Variants in MAP2K6 observed in about 807,000 individuals in gnomAD.
MAP2K6 encodes the protein dual specificity mitogen-activated protein kinase kinase 6.
MAP2K6 carries 16 observed loss-of-function variants against 53.7 expected under a neutral mutation model. The observed-to-expected ratio is 0.30, with a 90% CI of 0.20 to 0.45. The LOEUF (loss-of-function observed/expected upper bound fraction) is 0.45, where lower values mean the gene tolerates loss of function less well. MAP2K6 is among the 20% of genes least tolerant of loss of function. The probability of loss-of-function intolerance (pLI) is 1.00; values close to 1 mark genes in which losing one functional copy is unlikely to be tolerated. For synonymous variants in MAP2K6, 132 were observed against 143.1 expected, an observed-to-expected ratio of 0.92 and a Z score of 0.55; for missense variants, 204 against 411.9, an observed-to-expected ratio of 0.50 and a Z score of 4.37.
At position 69,416,859 on chromosome 17, in the gene MAP2K6, T is replaced by G. The variant is rs74798376; in HGVS notation, c.16+1859T>G. Among the ~76,000 whole-genome samples, 783 of 152,316 alleles carry G rather than the reference T, an allele frequency of 5.1e-3. 5 individuals carry two copies. The highest frequency in any genetic ancestry group is 8.6e-3 in the Non-Finnish European group (583 of 68,010). Reference sequence around the variant, plus strand: ...TTACTGTGATCTTATCTTTGGACTTTAGGGTCTAAACTAAATCAGGCTCCT... The same window carrying G: ...TTACTGTGATCTTATCTTTGGACTTGAGGGTCTAAACTAAATCAGGCTCCT... On this transcript the variant is annotated intron_variant, in intron 1 of 11. Coordinates refer to ENST00000590474, the MANE Select transcript of MAP2K6 (RefSeq NM_002758.4).
At chr17:69,523,996 G>C (rs1355469755) in intron 8 of MAP2K6, among the ~76,000 whole-genome samples, 1 of 152,080 alleles carries the variant, frequency 6.6e-6, no homozygotes, top group Non-Finnish European at 1.5e-5. Context: ...GCACCTTCCT[G>C]CTTAGTCCTC....
chr17:69,535,141 A>G (rs1026881797), intron 10 of MAP2K6, among the ~76,000 whole-genome samples: 1 of 152,182 alleles, frequency 6.6e-6, no homozygotes, highest in Non-Finnish European at 1.5e-5. Context: ...GTCTGTGTCA[A>G]TGGAGAGCAG....
At chr17:69,480,080 A>T (rs1908295312) in intron 1 of MAP2K6, among the ~76,000 whole-genome samples, 2 of 151,956 alleles carry the variant, frequency 1.3e-5, no homozygotes, top group Non-Finnish European at 1.5e-5. Context: ...CCCAGGTTGA[A>T]TTTTTTTTAT....
intron 2 of MAP2K6, among the ~76,000 whole-genome samples, chr17:69,509,816 A>G (rs1324932103): frequency 2.6e-5 from 4 of 151,946 alleles, no homozygotes; most frequent in Non-Finnish European, 5.9e-5. Context: ...AAAACCTCTC[A>G]GTATACTGAG....
chr17:69,498,111 G>T (rs1909013451), intron 1 of MAP2K6, among the ~76,000 whole-genome samples: 1 of 151,988 alleles, frequency 6.6e-6, no homozygotes, highest in Admixed American at 6.6e-5. Flanking sequence ...CCCTTGCAAT[G>T]TGTACCCTGG....
chr17:69,500,751 A>G (rs1207610337), intron 1 of MAP2K6, among the ~76,000 whole-genome samples: 1 of 132,772 alleles, frequency 7.5e-6, no homozygotes, highest in African/African-American at 2.7e-5. Flanking sequence ...GCAAGATTCC[A>G]TCTCAAAAAA....
At chr17:69,436,788 TCTC>T (rs773914951) in intron 1 of MAP2K6, among the ~76,000 whole-genome samples, 2 of 151,986 alleles carry the variant, frequency 1.3e-5, no homozygotes, top group African/African-American at 4.8e-5. Flanking sequence ...AATTTTTTTC[TCTC>T]TCTCTTTCTT....
chr17:69,442,772 T>C (rs1906861930), intron 1 of MAP2K6, among the ~76,000 whole-genome samples: 1 of 152,224 alleles, frequency 6.6e-6, no homozygotes. Context: ...AATTGTAAGC[T>C]GTGTAACCTT....
In MAP2K6 at chr17:69,494,315, C is replaced by T. The variant is rs909214397; in HGVS notation, c.17-11465C>T. On this transcript the variant is annotated intron_variant, in intron 1 of 11. Coordinates refer to ENST00000590474, the MANE Select transcript of MAP2K6 (RefSeq NM_002758.4). This position sits in a 1 kb window ranked among gnomAD's most constrained non-coding sequence, Gnocchi z 4.2. The stretch of plus-strand genomic sequence containing the variant: ...GAGTTTGTGACCAGCCTGGCCAACA[C>T]GGTAAAACCTCATCTCTACTAAAAA... Among the ~76,000 whole-genome samples the T allele has an allele frequency of 4.0e-5, 6 of 151,582 alleles. No individual in the cohort carries two copies. The highest frequency in any genetic ancestry group is 8.8e-5 in the Non-Finnish European group (6 of 67,846).
intron 1 of MAP2K6, among the ~76,000 whole-genome samples, chr17:69,416,111 C>T (rs955365803): frequency 6.6e-6 from 1 of 152,098 alleles, no homozygotes; most frequent in African/African-American, 2.4e-5. Context: ...GTGTTAGATA[C>T]TATTGAATTA....
At chr17:69,451,496 A>G (rs1049154756) in intron 1 of MAP2K6, among the ~76,000 whole-genome samples, 2 of 152,242 alleles carry the variant, frequency 1.3e-5, no homozygotes, top group Non-Finnish European at 2.9e-5. Context: ...TTTGTAATCT[A>G]GAAAGACAGC....
At chr17:69,456,203 G>C (rs770429307) in intron 1 of MAP2K6, among the ~76,000 whole-genome samples, 1 of 152,114 alleles carries the variant, frequency 6.6e-6, no homozygotes, top group South Asian at 2.1e-4. Context: ...GAGCAAACTG[G>C]GTGTAGTTGA....
intron 11 of MAP2K6, among the ~76,000 whole-genome samples, chr17:69,537,087 A>AAAAC (rs78904534): frequency 0.2 from 30,627 of 151,694 alleles, 3,561 homozygotes; most frequent in African/African-American, 0.32. Context: ...GTCTCAAAGA[A>AAAAC]AAACAAACAA....
At chr17:69,422,287 ATACCAGGC>A (rs777421167) in intron 1 of MAP2K6, among the ~76,000 whole-genome samples, 1 of 151,922 alleles carries the variant, frequency 6.6e-6, no homozygotes, top group East Asian at 1.9e-4. Context: ...GCCTGCCACC[ATACCAGGC>A]TAATTTTTGT....
At chr17:69,431,365 T>C (rs1362945666) in intron 1 of MAP2K6, among the ~76,000 whole-genome samples, 3 of 151,382 alleles carry the variant, frequency 2.0e-5, no homozygotes, top group Non-Finnish European at 4.4e-5. Flanking sequence ...CTTATAATTA[T>C]ATATAATAAT....
chr17:69,523,117 A>G (rs147055899), intron 7 of MAP2K6, among the ~76,000 whole-genome samples: 131 of 152,280 alleles, frequency 8.6e-4, no homozygotes, highest in Non-Finnish European at 1.6e-3. Flanking sequence ...TTGGTGTATC[A>G]TTGTGTCACA....
At chr17:69,496,374 C>T (rs1908951563) in intron 1 of MAP2K6, among the ~76,000 whole-genome samples, 2 of 151,214 alleles carry the variant, frequency 1.3e-5, no homozygotes, top group Admixed American at 6.6e-5. Flanking sequence ...CGGGTTCCAG[C>T]GATTCTCCCG....
chr17:69,444,472 A>G (rs753953550), intron 1 of MAP2K6, among the ~76,000 whole-genome samples: 4 of 152,224 alleles, frequency 2.6e-5, no homozygotes, highest in Non-Finnish European at 5.9e-5. Context: ...AATCAGAAGC[A>G]ATCCAGCTGG....
At chr17:69,457,736 T>C (rs955534446) in intron 1 of MAP2K6, among the ~76,000 whole-genome samples, 2 of 152,168 alleles carry the variant, frequency 1.3e-5, no homozygotes, top group African/African-American at 4.8e-5. Flanking sequence ...GCCCAGGAGA[T>C]AGAGGCTGTG....
Sources: allele counts gnomAD v4.1 joint callset (sites outside exome capture counted in the v4.1 genomes callset), GRCh38; gene constraint gnomAD v4.1.1; non-coding constraint Gnocchi (gnomAD v3.1); transcripts MANE v1.5; gene names NCBI Gene and HGNC (gene_info 2026-07-23, HGNC 2026-07-21).